The following ITGB1 variants were observed in gnomAD, a reference collection of about 807,000 sequenced individuals.
ITGB1 encodes integrin subunit beta 1, also known as integrin beta-1.
ITGB1 carries 24 observed loss-of-function variants against 86.5 expected under a neutral mutation model. The observed-to-expected ratio is 0.28, with a 90% CI of 0.20 to 0.39. The LOEUF is 0.39. Among genes scored for constraint, ITGB1 ranks in the 10% least tolerant of loss-of-function variants. The pLI is 1.00. For missense variants in ITGB1, 556 were observed against 946.9 expected (o/e 0.59, Z 5.42); for synonymous variants, 323 against 316.8 (o/e 1.02, Z -0.21).
intron 3 of ITGB1, among the ~76,000 whole-genome samples, chr10:32,930,870 C>T (rs1317202799): frequency 1.3e-5 from 2 of 151,930 alleles, no homozygotes; most frequent in Middle Eastern, 3.2e-3. Flanking sequence ...TGAAAAGTGC[C>T]TTAGTGAATT....
intron 1 of ITGB1, among the ~76,000 whole-genome samples, chr10:32,950,425 G>GT (rs1464710761): frequency 1.3e-5 from 2 of 152,146 alleles, no homozygotes; most frequent in African/African-American, 4.8e-5. Context: ...CTTACAGGAA[G>GT]AACAATTAAA....
At chr10:32,953,494 CA>C (rs1369333996) in intron 1 of ITGB1, 1 of 151,068 alleles carries the variant, frequency 6.6e-6, no homozygotes, top group Non-Finnish European at 1.5e-5. Flanking sequence ...TCAGCGCTGG[CA>C]GGTATCCTTA....
At chr10:32,912,153 C>T in intron 11 of ITGB1, 29 bp from the exon 12 acceptor site, 1 of 1,579,272 alleles carries the variant, frequency 6.3e-7, no homozygotes, top group Non-Finnish European at 8.7e-7. Flanking sequence ...ATTGCAATCA[C>T]ACAAAACAAA....
intron 15 of ITGB1, among the ~76,000 whole-genome samples, chr10:32,907,946 T>G (rs1347897430): frequency 6.6e-6 from 1 of 152,154 alleles, no homozygotes; most frequent in East Asian, 1.9e-4. Flanking sequence ...GAGCTGCGAG[T>G]TGGACAAGCT....
chr10:32,942,880 A>C (rs1565832360), intron 1 of ITGB1, among the ~76,000 whole-genome samples: 1 of 151,958 alleles, frequency 6.6e-6, no homozygotes, highest in East Asian at 1.9e-4. Flanking sequence ...AAAATAAATT[A>C]GCCTGGGCAA....
At chr10:32,911,813 C>A in intron 12 of ITGB1, 73 bp downstream of exon 12, 1 of 1,446,476 alleles carries the variant, frequency 6.9e-7, no homozygotes, top group Non-Finnish European at 9.6e-7. Flanking sequence ...TACTTATGCA[C>A]CAACTAAACT....
At chr10:32,918,536 C>T (rs1298159149) in intron 11 of ITGB1, among the ~76,000 whole-genome samples, 4 of 152,030 alleles carry the variant, frequency 2.6e-5, no homozygotes, top group African/African-American at 4.8e-5. Context: ...CATACACAGG[C>T]GCACATGTAC....
At chr10:32,951,436 G>GA (rs965779609) in intron 1 of ITGB1, among the ~76,000 whole-genome samples, 49 of 148,900 alleles carry the variant, frequency 3.3e-4, no homozygotes, top group South Asian at 2.1e-3. Context: ...TCCCTGTCCT[G>GA]AAAAAAAAAT....
intron 11 of ITGB1, among the ~76,000 whole-genome samples, chr10:32,919,267 G>A (rs2094941317): frequency 6.6e-6 from 1 of 152,082 alleles, no homozygotes; most frequent in South Asian, 2.1e-4. Context: ...AGAGAAAGCG[G>A]TATTCAATGT....
chr10:32,922,560 C>T (rs2094953479), intron 8 of ITGB1, 80 bp downstream of exon 8: 1 of 932,726 alleles, frequency 1.1e-6, no homozygotes, highest in African/African-American at 1.7e-5. Context: ...TGGCATTTTC[C>T]CACATTTCAA....
chr10:32,955,329 C>A (rs1026245884), intron 1 of ITGB1, among the ~76,000 whole-genome samples: 3 of 152,206 alleles, frequency 2.0e-5, no homozygotes, highest in African/African-American at 7.2e-5. Context: ...GATCCTAACT[C>A]TCTGGCAGAG....
intron 11 of ITGB1, among the ~76,000 whole-genome samples, chr10:32,918,760 C>A (rs991829762): frequency 7.2e-5 from 11 of 151,854 alleles, no homozygotes; most frequent in Non-Finnish European, 1.2e-4. Flanking sequence ...GGTGAACTGT[C>A]TAAATTTAAA....
chr10:32,911,357 ATATTG>A, intron 13 of ITGB1, 86 bp downstream of exon 13: 2 of 1,074,738 alleles, frequency 1.9e-6, no homozygotes, highest in Non-Finnish European at 2.8e-6. Flanking sequence ...GTATATTTTA[ATATTG>A]GCACTGTTCT....
chr10:32,913,693 G>T (rs920846765), intron 11 of ITGB1, among the ~76,000 whole-genome samples: 1 of 152,210 alleles, frequency 6.6e-6, no homozygotes, highest in African/African-American at 2.4e-5. Flanking sequence ...TGTCTGATTG[G>T]TGTACCAGAA....
chr10:32,940,900 C>T (rs1349443580), intron 1 of ITGB1, among the ~76,000 whole-genome samples: 2 of 152,224 alleles, frequency 1.3e-5, no homozygotes, highest in African/African-American at 4.8e-5. Flanking sequence ...CTGGAGGTTC[C>T]TCTTCAGACA....
intron 15 of ITGB1, among the ~76,000 whole-genome samples, chr10:32,903,255 G>A (rs535080369): frequency 4.7e-5 from 7 of 147,598 alleles, no homozygotes; most frequent in Non-Finnish European, 8.9e-5. Context: ...ATGAAGCTGG[G>A]ATAGGGGAAT....
intron 2 of ITGB1, among the ~76,000 whole-genome samples, chr10:32,934,424 A>G (rs2094994257): frequency 6.6e-6 from 1 of 152,192 alleles, no homozygotes; most frequent in African/African-American, 2.4e-5. Context: ...ATGCCATTTT[A>G]TATCAGGGAC....
chr10:32,948,749 T>C (rs2095037013), intron 1 of ITGB1, among the ~76,000 whole-genome samples: 1 of 152,114 alleles, frequency 6.6e-6, no homozygotes, highest in South Asian at 2.1e-4. Context: ...AGACATTAGA[T>C]GCCAACCCCT....
At chr10:32,910,506 A>T (rs559086752) in intron 13 of ITGB1, 51 bp from the exon 14 acceptor site, 1 of 1,277,888 alleles carries the variant, frequency 7.8e-7, no homozygotes, top group Non-Finnish European at 1.1e-6. Flanking sequence ...ATTTCAGTAA[A>T]TATTTGCTTA....
Sources: allele counts gnomAD v4.1 joint callset (sites outside exome capture counted in the v4.1 genomes callset), GRCh38; gene constraint gnomAD v4.1.1; transcripts MANE v1.5; gene names NCBI Gene and HGNC (gene_info 2026-07-23, HGNC 2026-07-21).